Variants in FAM111A observed in about 807,000 individuals in gnomAD.
FAM111A encodes FAM111 trypsin like peptidase A.
FAM111A carries 8 observed loss-of-function variants against 3.3 expected under a neutral mutation model. The ratio of observed to expected loss-of-function variants is 2.39; its 90% CI spans 1.40 to 4.32. The LOEUF (loss-of-function observed/expected upper bound fraction) is 4.32. Ranked by LOEUF, FAM111A falls within the 30% of genes most tolerant of loss-of-function variation. The probability of loss-of-function intolerance (pLI) is 0.00; values close to 1 mark genes in which losing one functional copy is unlikely to be tolerated. For missense variants in FAM111A, 683 were observed against 727.6 expected (o/e 0.94, Z 0.71); for synonymous variants, 227 against 243.1 (o/e 0.93, Z 0.62).
intron 4 of FAM111A, among the ~76,000 whole-genome samples, chr11:59,146,379 C>T (rs1860907259): frequency 6.6e-6 from 1 of 152,206 alleles, no homozygotes; most frequent in East Asian, 1.9e-4. Context: ...CTACCGCACC[C>T]AGACCACAAT....
intron 4 of FAM111A, among the ~76,000 whole-genome samples, chr11:59,147,572 A>T (rs1353253440): frequency 1.3e-5 from 2 of 151,930 alleles, no homozygotes; most frequent in Admixed American, 1.3e-4. Context: ...TTAAAACTAC[A>T]TTTTTTTTGC....
rs1376938367 is a variant in FAM111A at position 59,153,200 on chromosome 11, A to T, written c.1532A>T (p.Tyr511Phe). The change falls in exon 6 of 6, where the codon TAT (tyrosine) becomes TTT (phenylalanine). Residue 511 changes from tyrosine (Y) to phenylalanine (F), a missense_variant. By Grantham distance (22) the Tyr-to-Phe change is conservative. Transcript: ENST00000675163. ...VQSKKAESPE[Y>F]VHMYTQRSFQ... ...TCTAAAAAAGCAGAAAGTCCAGAGT[A>T]TGTCCATATGTATACTCAAAGAAGT... 1 of 1,614,102 alleles carries T rather than the reference A, an allele frequency of 6.2e-7. No homozygotes were observed. Among genetic ancestry groups the T allele is most frequent in the Non-Finnish European group, 8.5e-7 (1 of 1,180,040 alleles).
rs549839490 is a variant in FAM111A at position 59,153,268 on chromosome 11, A to G, written c.1600A>G (p.Thr534Ala). 9.9e-6 allele frequency: 16 copies of G among 1,614,106 alleles called. No homozygotes were observed. In the African/African-American group the frequency reaches 1.3e-4, roughly 13 times the overall value. ...VHNPDVITYDTEFFFGASGSP... is the reference protein window; with the variant it reads ...VHNPDVITYDAEFFFGASGSP... ...CAACCCTGATGTGATTACCTATGACACTGAATTTTTCTTTGGGGCTTCCGG... is the reference window on the plus strand; with the variant it reads ...CAACCCTGATGTGATTACCTATGACGCTGAATTTTTCTTTGGGGCTTCCGG... The change falls in exon 6 of 6, where the codon ACT becomes GCT. Residue 534 changes from threonine to alanine, a missense_variant. Coordinates refer to ENST00000675163, the MANE Select transcript of FAM111A (RefSeq NM_001312909.2).
Position 59,152,781 on chromosome 11 carries a change from CTGCTT to C in FAM111A, c.1116_1120del (p.Val374Ter). Reference sequence around the variant, plus strand: ...ACAGTGCAACTACGGGTTACGCCACCTGCTTTGTTTTTAAAGGATTGTTCATTTTA... The same window carrying C: ...ACAGTGCAACTACGGGTTACGCCACCTGTTTTTAAAGGATTGTTCATTTTA... On this transcript the variant is annotated frameshift_variant, in exon 6 of 6. Transcript: ENST00000675163. LOFTEE classifies it low-confidence loss of function (END_TRUNC). 2 of 1,614,150 alleles carry C rather than the reference CTGCTT, an allele frequency of 1.2e-6. No homozygotes were observed. Among genetic ancestry groups the C allele is most frequent in the Non-Finnish European group, 1.7e-6 (2 of 1,180,024 alleles).
At position 59,153,754 on chromosome 11, in the gene FAM111A, T is replaced by G. The variant is rs973323664; in HGVS notation, c.*250T>G. On this transcript the variant is annotated 3_prime_UTR_variant, in exon 6 of 6. Coordinates refer to ENST00000675163, the MANE Select transcript of FAM111A (RefSeq NM_001312909.2). ...TCTCACTCTGTCGCCTGGGCTGGAG[T>G]ACAGTGGTGCGATCTCAGCTCACTG... 3.3e-6 allele frequency: 1 copy of G among 304,200 alleles called. No individual in the cohort carries two copies. The highest frequency in any genetic ancestry group is 4.9e-5 in the Admixed American group (1 of 20,534). 18.8% of individuals were successfully genotyped at this position (304,200 alleles called of 1,614,324 possible).
At position 59,151,853 on chromosome 11, in the gene FAM111A, C is replaced by T; in HGVS notation, c.185C>T (p.Ser62Leu). 6.2e-7 allele frequency: 1 copy of T among 1,614,170 alleles called. No homozygotes were observed. Among genetic ancestry groups the T allele is most frequent in the Non-Finnish European group, 8.5e-7 (1 of 1,180,008 alleles). Residue 62 changes from serine (S) to leucine (L), a missense_variant, in exon 6 of 6, where the codon TCA (serine) becomes TTA (leucine). Coordinates refer to ENST00000675163, the MANE Select transcript of FAM111A (RefSeq NM_001312909.2). ...AATACCCAGGCTCAAAGATTCCATTCACCTAAGAAAAATCCAGAAGACCAG... is the reference window on the plus strand; with the variant it reads ...AATACCCAGGCTCAAAGATTCCATTTACCTAAGAAAAATCCAGAAGACCAG... ...TTNTQAQRFH[S>L]PKKNPEDQTM...
chr11:59,150,131 G>A (rs893424973), intron 5 of FAM111A, among the ~76,000 whole-genome samples: 1 of 152,028 alleles, frequency 6.6e-6, no homozygotes, highest in Admixed American at 6.5e-5. Flanking sequence ...TCCCCTTTCA[G>A]AAGTGTCTAT....
At chr11:59,147,266 C>T (rs1449484856) in intron 4 of FAM111A, among the ~76,000 whole-genome samples, 4 of 152,186 alleles carry the variant, frequency 2.6e-5, no homozygotes, top group Admixed American at 6.5e-5. Flanking sequence ...TGACTGGAGA[C>T]ATCTGAGCAC....
chr11:59,149,008 G>A (rs1861303091), intron 5 of FAM111A, 55 bp downstream of exon 5: 9 of 1,353,814 alleles, frequency 6.6e-6, no homozygotes, highest in Admixed American at 1.7e-5. Context: ...ATCCATGTGA[G>A]ATTTGTTCCA....
chr11:59,144,720 A>C (rs1425272247), intron 3 of FAM111A: 1 of 152,340 alleles, frequency 6.6e-6, no homozygotes, highest in Non-Finnish European at 1.5e-5. Context: ...TAAAAGTGAA[A>C]GAAAGTAACC....
rs878948228 is a variant in FAM111A, at chr11:59,153,703, A to ATTTTT, written c.*211_*215dup. 421 of 323,218 alleles carry ATTTTT rather than the reference A, an allele frequency of 1.3e-3. No homozygotes were observed. In the East Asian group the frequency reaches 0.013, roughly 10 times the overall value. 20.0% of individuals were successfully genotyped at this position (323,218 alleles called of 1,614,324 possible). Reference sequence around the variant, plus strand: ...ATGAGATGGACTATAACTTGCCCAAATTTTTTTTTTTTTTTTGAGACTGAG... The same window carrying ATTTTT: ...ATGAGATGGACTATAACTTGCCCAAATTTTTTTTTTTTTTTTTTTTTGAGACTGAG... On this transcript the variant is annotated 3_prime_UTR_variant, in exon 6 of 6. Transcript: ENST00000675163.
At chr11:59,151,686 G>A in intron 5 of FAM111A, 64 bp from the exon 6 acceptor site, 2 of 1,284,668 alleles carry the variant, frequency 1.6e-6, no homozygotes, top group South Asian at 1.5e-5. Context: ...TTGCATACCT[G>A]AAAAGAGAAA....
In FAM111A at chr11:59,153,383, T is replaced by C. The variant is rs372974286; in HGVS notation, c.1715T>C (p.Ile572Thr). 1.0e-4 allele frequency: 169 copies of C among 1,613,972 alleles called. No homozygotes were observed. The highest frequency in any genetic ancestry group is 6.9e-5 in the Non-Finnish European group (82 of 1,179,972). The change falls in exon 6 of 6, where the codon ATT becomes ACT. Residue 572 changes from isoleucine to threonine, a missense_variant. Around this residue, in one of 3 missense-constraint regions of FAM111A, gnomAD observed 122 missense variants for 110.9 expected, o/e 1.10. Coordinates refer to ENST00000675163, the MANE Select transcript of FAM111A (RefSeq NM_001312909.2). ...YTYQNETRSI[I>T]EFGSTMESIL... Reference sequence around the variant, plus strand: ...TACCAAAATGAGACTCGTAGTATCATTGAGTTTGGCTCTACCATGGAATCC... The same window carrying C: ...TACCAAAATGAGACTCGTAGTATCACTGAGTTTGGCTCTACCATGGAATCC...
chr11:59,149,003 T>C (rs1435174438), intron 5 of FAM111A, 50 bp downstream of exon 5: 1 of 1,372,008 alleles, frequency 7.3e-7, no homozygotes, highest in East Asian at 2.3e-5. Context: ...TTGGTATCCA[T>C]GTGAGATTTG....
Position 59,154,196 on chromosome 11 carries a change from A to C in FAM111A, c.*692A>C, listed in dbSNP as rs533409118. On this transcript the variant is annotated 3_prime_UTR_variant, in exon 6 of 6. Coordinates refer to ENST00000675163, the MANE Select transcript of FAM111A (RefSeq NM_001312909.2). ...CTCATGATTCCCTACATCTGACATAAGGAAAGTAAGTGCTCAGAAAAATGT... is the reference window on the plus strand; with the variant it reads ...CTCATGATTCCCTACATCTGACATACGGAAAGTAAGTGCTCAGAAAAATGT... 1 of 152,328 alleles carries C rather than the reference A, an allele frequency of 6.6e-6. No individual in the cohort carries two copies. The highest frequency in any genetic ancestry group is 1.5e-5 in the Non-Finnish European group (1 of 68,026). The allele number at this position is 152,328 out of a possible 1,614,324, so 9.4% of individuals were successfully genotyped here.
intron 5 of FAM111A, among the ~76,000 whole-genome samples, chr11:59,150,327 G>A (rs1861490325): frequency 1.3e-5 from 2 of 152,106 alleles, no homozygotes; most frequent in Non-Finnish European, 2.9e-5. Flanking sequence ...TGGAATATTA[G>A]TATAAAGAAG....
At chr11:59,145,146 T>G (rs1026196327) in intron 3 of FAM111A, 1 of 152,426 alleles carries the variant, frequency 6.6e-6, no homozygotes, top group Non-Finnish European at 1.5e-5. Flanking sequence ...CCTCGACCCC[T>G]GCCCTTGCCC....
rs1861928796 is a variant in FAM111A at position 59,153,163 on chromosome 11, G to A, written c.1495G>A (p.Glu499Lys). 6.2e-7 allele frequency: 1 copy of A among 1,614,166 alleles called. No homozygotes were observed. The highest frequency in any genetic ancestry group is 1.1e-5 in the South Asian group (1 of 91,080). Residue 499 changes from glutamate to lysine, a missense_variant, in exon 6 of 6, where the codon GAA becomes AAA. Physicochemically the swap from Glu to Lys is moderately conservative, Grantham distance 56. Transcript: ENST00000675163. ...PQGQRAKKCQERVQSKKAESP... is the reference protein window; with the variant it reads ...PQGQRAKKCQKRVQSKKAESP... ...GGGTCAGCGAGCAAAGAAATGTCAGGAACGTGTTCAGTCTAAAAAAGCAGA... is the reference window on the plus strand; with the variant it reads ...GGGTCAGCGAGCAAAGAAATGTCAGAAACGTGTTCAGTCTAAAAAAGCAGA...
In FAM111A at chr11:59,146,063, T is replaced by A. The variant is rs557096159; in HGVS notation, c.-77+207T>A. Among the ~76,000 whole-genome samples the A allele has an allele frequency of 1.0e-2, 1,361 of 136,634 alleles. 22 individuals carry two copies. The highest frequency in any genetic ancestry group is 0.042 in the African/African-American group (1,288 of 30,620). 89.6% of individuals were successfully genotyped at this position (136,634 alleles called of 152,430 possible). ...TGTGTGTATGTGTGTATATATATATTGTGTGTGTGTGTGTGACAGAGAGAG... is the reference window on the plus strand; with the variant it reads ...TGTGTGTATGTGTGTATATATATATAGTGTGTGTGTGTGTGACAGAGAGAG... On this transcript the variant is annotated intron_variant, in intron 4 of 5. Coordinates refer to ENST00000675163, the MANE Select transcript of FAM111A (RefSeq NM_001312909.2).
Sources: gnomAD v4.1 joint callset for allele counts (sites outside exome capture counted in the v4.1 genomes callset) on GRCh38, gnomAD v4.1.1 for gene constraint, gnomAD v4.1.1 regional missense constraint, MANE v1.5 for transcripts, NCBI Gene and HGNC (gene_info 2026-07-23, HGNC 2026-07-21) for gene names.